Variants in CUX2 observed in about 807,000 individuals in gnomAD.
CUX2 encodes the protein cut like homeobox 2.
Under a neutral mutation model 144.8 loss-of-function variants are expected in CUX2, and 40 were observed. The observed-to-expected ratio is 0.28, with a 90% CI of 0.21 to 0.36. CUX2 has a LOEUF of 0.36. Among genes scored for constraint, CUX2 ranks in the 10% least tolerant of loss-of-function variants. The pLI is 1.00. For synonymous variants in CUX2, 827 were observed against 875.6 expected (o/e 0.94, Z 0.98); for missense variants, 1,615 against 1,994.0 (o/e 0.81, Z 3.62).
rs1888879543 is a variant in CUX2, at chr12:111,347,795, G to T, written c.3931G>T (p.Ala1311Ser). ...EQMEEDAEEE[A>S]GSQPQDSGEL... ...GATGGAGGAGGATGCTGAGGAAGAG[G>T]CAGGCAGCCAGCCCCAGGACTCAGG... The change falls in exon 22 of 22, where the codon GCA becomes TCA. Residue 1311 changes from alanine (A) to serine (S), a missense_variant. Transcript: ENST00000261726. The T allele has an allele frequency of 6.2e-7, 1 of 1,613,666 alleles. No individual in the cohort carries two copies. Among genetic ancestry groups the T allele is most frequent in the Non-Finnish European group, 8.5e-7 (1 of 1,179,852 alleles).
At chr12:111,224,271 A>G (rs1433242373) in intron 3 of CUX2, among the ~76,000 whole-genome samples, 3 of 151,940 alleles carry the variant, frequency 2.0e-5, no homozygotes, top group African/African-American at 7.3e-5. Context: ...GGGTAGTCCT[A>G]ACCTTGGAGA....
chr12:111,233,944 T>C (rs923271121), intron 3 of CUX2, among the ~76,000 whole-genome samples: 1 of 152,174 alleles, frequency 6.6e-6, no homozygotes, highest in Non-Finnish European at 1.5e-5. Context: ...TCCAGGCGTC[T>C]ACCATCATCT....
intron 1 of CUX2, among the ~76,000 whole-genome samples, chr12:111,100,906 A>G (rs1873190277): frequency 6.6e-6 from 1 of 152,118 alleles, no homozygotes; most frequent in Admixed American, 6.5e-5. Context: ...GCTTGCCACC[A>G]AGGAGGTCAC....
Position 111,310,159 on chromosome 12 carries a change from C to T in CUX2, c.1377C>T (p.Pro459=), listed in dbSNP as rs3742007. ...CAGAAGACCCCCTGTCTCCCAGCCC[C>T]GGGCAGCCCCTGCTGGGCCCCAGCT... ...PGPEDPLSPS[P]GQPLLGPSLG... The change falls in exon 15 of 22, where the codon CCC becomes CCT. Residue 459 remains proline (P), a synonymous_variant. Transcript: ENST00000261726. The surrounding 1 kb of genome is among the most constrained non-coding windows in gnomAD (Gnocchi z 7.9). 259,113 of 1,549,002 alleles carry T rather than the reference C, an allele frequency of 0.17. 30,899 individuals carry two copies. The highest frequency in any genetic ancestry group is 0.69 in the East Asian group (29,925 of 43,226).
Position 111,290,275 on chromosome 12 carries a change from T to C in CUX2, c.302-1143T>C, listed in dbSNP as rs114862324. On this transcript the variant is annotated intron_variant, in intron 4 of 21. Coordinates refer to ENST00000261726, the MANE Select transcript of CUX2 (RefSeq NM_015267.4). ...AGCTACTCGGGAGGCTGAGGCAGGA[T>C]CACTTGAACAGAATCTCACTCTGTT... is the stretch of plus-strand genomic sequence containing the variant. Among the ~76,000 whole-genome samples the C allele has an allele frequency of 6.0e-3, 916 of 152,028 alleles. 7 individuals are homozygous for C. The highest frequency in any genetic ancestry group is 0.021 in the African/African-American group (886 of 41,466).
chr12:111,044,993 C>T (rs1359749839), intron 1 of CUX2, among the ~76,000 whole-genome samples: 1 of 152,234 alleles, frequency 6.6e-6, no homozygotes, highest in Non-Finnish European at 1.5e-5. Context: ...TGGAAGGCTG[C>T]AGGCCATAAG....
At chr12:111,163,045 C>CAA (rs559797657) in intron 1 of CUX2, among the ~76,000 whole-genome samples, 218 of 112,888 alleles carry the variant, frequency 1.9e-3, no homozygotes, top group Middle Eastern at 4.5e-3. Flanking sequence ...GACTCTGTCT[C>CAA]AAAAAAAAAA....
At chr12:111,231,055 A>C (rs1882441669) in intron 3 of CUX2, among the ~76,000 whole-genome samples, 1 of 152,174 alleles carries the variant, frequency 6.6e-6, no homozygotes. Context: ...TACACGTAAC[A>C]TAAAATTTAC....
chr12:111,199,190 G>A (rs78111269), intron 1 of CUX2, among the ~76,000 whole-genome samples: 9 of 152,082 alleles, frequency 5.9e-5, no homozygotes, highest in African/African-American at 1.2e-4. Context: ...GCTGGGATTC[G>A]TTCAACATCA....
At chr12:111,217,780 G>A (rs1009499753) in intron 2 of CUX2, 110 bp from the exon 3 acceptor site, 26 of 1,149,758 alleles carry the variant, frequency 2.3e-5, no homozygotes, top group Non-Finnish European at 2.4e-5. Context: ...CAGGCCCCAC[G>A]GGACATGCTT....
chr12:111,080,512 T>C, intron 1 of CUX2, among the ~76,000 whole-genome samples: 1 of 149,450 alleles, frequency 6.7e-6, no homozygotes, highest in Middle Eastern at 3.4e-3. Flanking sequence ...TCTCTCTGTC[T>C]CTCTAAAAAA....
intron 1 of CUX2, among the ~76,000 whole-genome samples, chr12:111,202,035 C>T (rs926171779): frequency 1.3e-5 from 2 of 152,190 alleles, no homozygotes; most frequent in African/African-American, 4.8e-5. Flanking sequence ...ATGCAGTAGG[C>T]GTTCAGCTTC....
chr12:111,298,439 C>T, intron 8 of CUX2, 102 bp from the exon 9 acceptor site: 4 of 1,251,046 alleles, frequency 3.2e-6, no homozygotes, highest in Non-Finnish European at 4.5e-6. Context: ...GCAAGGCCTT[C>T]AGCCCTCCCC....
chr12:111,062,379 C>G (rs1278858018), intron 1 of CUX2, among the ~76,000 whole-genome samples: 1 of 152,190 alleles, frequency 6.6e-6, no homozygotes, highest in Non-Finnish European at 1.5e-5. Flanking sequence ...ATGAACATTG[C>G]ATTTTATGGC....
rs112111412 is a variant in CUX2 at position 111,329,917 on chromosome 12, G to A, written c.2927-4524G>A. On this transcript the variant is annotated intron_variant, in intron 18 of 21. Transcript: ENST00000261726. ...CTTCCAAAGTGCAGGGATTACAGGC[G>A]TGAGCCACCATGCCCGGCCCAAAGA... Among the ~76,000 whole-genome samples, 130 of 152,280 alleles carry A rather than the reference G, an allele frequency of 8.5e-4. 1 individual carries two copies. In the East Asian group the frequency reaches 0.021, roughly 24 times the overall value.
chr12:111,347,384 T>A, intron 21 of CUX2, 140 bp from the exon 22 acceptor site: 1 of 730,790 alleles, frequency 1.4e-6, no homozygotes. Flanking sequence ...GAAGACTTAA[T>A]AAGATGGTGC....
In CUX2 at chr12:111,343,480, A is replaced by G. The variant is rs1280015588; in HGVS notation, c.3659+1427A>G. ...AAGTCTCTGGTGCCCACATGGTACCAGAGAAGAAAATCCACTCATCCATTC... is the reference window on the plus strand; with the variant it reads ...AAGTCTCTGGTGCCCACATGGTACCGGAGAAGAAAATCCACTCATCCATTC... On this transcript the variant is annotated intron_variant, in intron 21 of 21. Transcript: ENST00000261726. Among the ~76,000 whole-genome samples the G allele has an allele frequency of 2.0e-5, 3 of 152,158 alleles. No individual in the cohort carries two copies. The East Asian group carries it at 5.8e-4, about 29-fold the overall frequency.
intron 1 of CUX2, among the ~76,000 whole-genome samples, chr12:111,140,360 T>G (rs1035952101): frequency 6.6e-6 from 1 of 152,206 alleles, no homozygotes; most frequent in African/African-American, 2.4e-5. Flanking sequence ...ATCAATACCA[T>G]AGATTGAGCT....
intron 1 of CUX2, among the ~76,000 whole-genome samples, chr12:111,210,827 C>T (rs960485154): frequency 2.0e-5 from 3 of 151,262 alleles, no homozygotes; most frequent in Non-Finnish European, 4.4e-5. Flanking sequence ...ATTTATTGAA[C>T]ACTTGAAGCT....
Sources: gnomAD v4.1 joint callset for allele counts (sites outside exome capture counted in the v4.1 genomes callset) on GRCh38, gnomAD v4.1.1 for gene constraint, Gnocchi (gnomAD v3.1) non-coding constraint, MANE v1.5 for transcripts, NCBI Gene and HGNC (gene_info 2026-07-23, HGNC 2026-07-21) for gene names.